POU2F1: variants seen among roughly 807,000 people sequenced by gnomAD.
POU2F1 encodes POU class 2 homeobox 1.
POU2F1 carries 16 observed loss-of-function variants against 84.9 expected under a neutral mutation model. That is an observed-to-expected ratio of 0.19 (90% CI 0.13 to 0.29). The LOEUF (loss-of-function observed/expected upper bound fraction) is 0.29, where lower values mean the gene tolerates loss of function less well. Among genes scored for constraint, POU2F1 ranks in the 10% least tolerant of loss-of-function variants. The probability of loss-of-function intolerance (pLI) is 1.00; values close to 1 mark genes in which losing one functional copy is unlikely to be tolerated. For missense variants in POU2F1, 738 were observed against 942.6 expected, an observed-to-expected ratio of 0.78 and a Z score of 2.84; for synonymous variants, 368 against 368.3, an observed-to-expected ratio of 1.00 and a Z score of 0.01.
rs73034562 is a variant in POU2F1, at chr1:167,247,842, A to T, written c.61+26884A>T. 2.6e-5 allele frequency among the ~76,000 whole-genome samples: 4 copies of T among 152,206 alleles called. No individual in the cohort carries two copies. The East Asian group carries it at 7.7e-4, about 29-fold the overall frequency. On this transcript the variant is annotated intron_variant, in intron 1 of 15. Transcript: ENST00000367866. Reference sequence around the variant, plus strand: ...ACAAGTAGAATATTTATACCATGCAATCAAACTGTGCAGATTTTGAATGTT... The same window carrying T: ...ACAAGTAGAATATTTATACCATGCATTCAAACTGTGCAGATTTTGAATGTT...
intron 1 of POU2F1, among the ~76,000 whole-genome samples, chr1:167,284,876 G>C (rs974282654): frequency 1.3e-5 from 2 of 152,172 alleles, no homozygotes; most frequent in African/African-American, 4.8e-5. Context: ...TTGTTGAATT[G>C]AATTGAACCT....
intron 1 of POU2F1, among the ~76,000 whole-genome samples, chr1:167,289,414 G>A (rs969246088): frequency 3.9e-5 from 6 of 152,178 alleles, no homozygotes; most frequent in Admixed American, 3.9e-4. Context: ...TTTAGGAGAA[G>A]TACATACAGA....
chr1:167,355,905 C>G (rs980090323), intron 2 of POU2F1, among the ~76,000 whole-genome samples: 78 of 152,014 alleles, frequency 5.1e-4, no homozygotes, highest in African/African-American at 1.8e-3. Flanking sequence ...TAAATAAAAT[C>G]TTTAAAAATT....
At chr1:167,399,675 A>G (rs1335341749) in intron 12 of POU2F1, among the ~76,000 whole-genome samples, 1 of 151,576 alleles carries the variant, frequency 6.6e-6, no homozygotes, top group Non-Finnish European at 1.5e-5. Context: ...TTATTTTTCT[A>G]TTTATTTTAT....
At chr1:167,300,737 A>G (rs2102565559) in intron 1 of POU2F1, among the ~76,000 whole-genome samples, 1 of 152,232 alleles carries the variant, frequency 6.6e-6, no homozygotes, top group East Asian at 1.9e-4. Flanking sequence ...TGCTGGGATT[A>G]CAGGCATGAG....
intron 1 of POU2F1, among the ~76,000 whole-genome samples, chr1:167,263,058 G>A (rs903989632): frequency 2.0e-5 from 3 of 152,204 alleles, no homozygotes; most frequent in Non-Finnish European, 4.4e-5. Context: ...TGCATTGTCA[G>A]TAATGAATGA....
chr1:167,408,297 A>T lies in POU2F1; in HGVS notation c.1556-3662A>T, dbSNP rs139813713. On this transcript the variant is annotated intron_variant, in intron 13 of 15. Coordinates refer to ENST00000367866, the MANE Select transcript of POU2F1 (RefSeq NM_002697.4). ...GCATTGCTTGTAGGAATGTAGAATGATACAGCTTCGGAAAACATCTTGGCA... is the reference window on the plus strand; with the variant it reads ...GCATTGCTTGTAGGAATGTAGAATGTTACAGCTTCGGAAAACATCTTGGCA... Among the ~76,000 whole-genome samples, 1,392 of 152,318 alleles carry T rather than the reference A, an allele frequency of 9.1e-3. 20 individuals are homozygous for T. The highest frequency in any genetic ancestry group is 0.02 in the Admixed American group (303 of 15,292).
In POU2F1 at chr1:167,403,583, T is replaced by C. The variant is rs564145270; in HGVS notation, c.1555+2027T>C. On this transcript the variant is annotated intron_variant, in intron 13 of 15. Coordinates refer to ENST00000367866, the MANE Select transcript of POU2F1 (RefSeq NM_002697.4). ...TTCCTCTGATATTTTTATACTGCCT[T>C]CTTTTTTTCTCTGTTGAGAAAAGTA... Among the ~76,000 whole-genome samples, 19 of 152,328 alleles carry C rather than the reference T, an allele frequency of 1.2e-4. No individual in the cohort carries two copies. In the South Asian group the frequency reaches 3.1e-3, roughly 25 times the overall value.
In POU2F1 at chr1:167,269,777, G is replaced by A. The variant is rs189678330; in HGVS notation, c.61+48819G>A. Reference sequence around the variant, plus strand: ...AAAATACAAAAATTAGCCAGGTGTGGTGGCACATGCCTATAAATCCCAGCT... The same window carrying A: ...AAAATACAAAAATTAGCCAGGTGTGATGGCACATGCCTATAAATCCCAGCT... On this transcript the variant is annotated intron_variant, in intron 1 of 15. Coordinates refer to ENST00000367866, the MANE Select transcript of POU2F1 (RefSeq NM_002697.4). Among the ~76,000 whole-genome samples, 281 of 152,204 alleles carry A rather than the reference G, an allele frequency of 1.8e-3. 1 individual carries two copies. Among genetic ancestry groups the A allele is most frequent in the African/African-American group, 6.5e-3 (269 of 41,520 alleles).
At chr1:167,329,417 G>A in intron 1 of POU2F1, 1 of 1,308,322 alleles carries the variant, frequency 7.6e-7, no homozygotes, top group Non-Finnish European at 1.1e-6. Flanking sequence ...CGGGGGAGGG[G>A]GAGAGTTGGA....
At chr1:167,312,671 A>G (rs1655582945) in intron 1 of POU2F1, among the ~76,000 whole-genome samples, 1 of 152,322 alleles carries the variant, frequency 6.6e-6, no homozygotes. Flanking sequence ...TCTAGTTGAC[A>G]CTAGTGTACA....
At chr1:167,247,781 C>G (rs1268623049) in intron 1 of POU2F1, among the ~76,000 whole-genome samples, 15 of 152,078 alleles carry the variant, frequency 9.9e-5, no homozygotes, top group Non-Finnish European at 1.8e-4. Context: ...ACATATGTAC[C>G]TTTGAAAAGG....
At chr1:167,303,043 T>A (rs553272221) in intron 1 of POU2F1, among the ~76,000 whole-genome samples, 2 of 152,288 alleles carry the variant, frequency 1.3e-5, no homozygotes, top group South Asian at 4.1e-4. Context: ...CCTGTATGGA[T>A]CTATTGCTAT....
At chr1:167,282,659 C>A (rs186959032) in intron 1 of POU2F1, among the ~76,000 whole-genome samples, 17 of 152,306 alleles carry the variant, frequency 1.1e-4, no homozygotes, top group Admixed American at 9.2e-4. Flanking sequence ...TGTCACACCT[C>A]ATTTTCTTCC....
At chr1:167,285,803 A>G (rs1233498728) in intron 1 of POU2F1, among the ~76,000 whole-genome samples, 1 of 152,110 alleles carries the variant, frequency 6.6e-6, no homozygotes, top group African/African-American at 2.4e-5. Context: ...GAGTTGATTT[A>G]GGACAGATAC....
intron 1 of POU2F1, among the ~76,000 whole-genome samples, chr1:167,260,072 G>T (rs1223464049): frequency 3.3e-5 from 5 of 152,060 alleles, no homozygotes. Context: ...TAGAGATGGG[G>T]TTTCACTGTG....
At chr1:167,381,391 G>GT (rs1052626947) in intron 7 of POU2F1, among the ~76,000 whole-genome samples, 2 of 151,496 alleles carry the variant, frequency 1.3e-5, no homozygotes, top group African/African-American at 2.4e-5. Context: ...CCAAGCATTG[G>GT]TTTTTTAAAA....
chr1:167,245,243 CTTTTTT>C (rs553872078), intron 1 of POU2F1, among the ~76,000 whole-genome samples: 1 of 140,826 alleles, frequency 7.1e-6, no homozygotes, highest in Non-Finnish European at 1.6e-5. Flanking sequence ...ACTCAAATTT[CTTTTTT>C]TTTTTTTGTT....
chr1:167,221,425 G>C (rs2102311201), intron 1 of POU2F1, among the ~76,000 whole-genome samples: 1 of 149,452 alleles, frequency 6.7e-6, no homozygotes, highest in South Asian at 2.1e-4. Flanking sequence ...GGCCGGGGCC[G>C]GGCGGGCGCG....
Sources: allele counts gnomAD v4.1 joint callset (sites outside exome capture counted in the v4.1 genomes callset), GRCh38; gene constraint gnomAD v4.1.1; transcripts MANE v1.5; gene names NCBI Gene and HGNC (gene_info 2026-07-23, HGNC 2026-07-21).